The following PTPRT variants were observed in gnomAD, a reference collection of about 807,000 sequenced individuals.
The protein encoded by PTPRT is receptor-type tyrosine-protein phosphatase T.
A neutral mutation model predicts 176.8 loss-of-function variants in PTPRT; 56 were observed. That is an observed-to-expected ratio of 0.32 (90% CI 0.26 to 0.40). The LOEUF (loss-of-function observed/expected upper bound fraction) is 0.40. Among genes scored for constraint, PTPRT ranks in the 10% least tolerant of loss-of-function variants. The probability of loss-of-function intolerance (pLI) is 1.00; values close to 1 mark genes in which losing one functional copy is unlikely to be tolerated. For synonymous variants in PTPRT, 783 were observed against 739.0 expected, an observed-to-expected ratio of 1.06 and a Z score of -0.96; for missense variants, 1,540 against 1,908.2, an observed-to-expected ratio of 0.81 and a Z score of 3.60.
intron 1 of PTPRT, among the ~76,000 whole-genome samples, chr20:43,001,893 A>G (rs575192330): frequency 6.6e-6 from 1 of 152,206 alleles, no homozygotes; most frequent in African/African-American, 2.4e-5. Context: ...AAAACAAACA[A>G]AAAAAACCAC....
chr20:42,857,350 T>C (rs1207396288), intron 2 of PTPRT, among the ~76,000 whole-genome samples: 1 of 152,190 alleles, frequency 6.6e-6, no homozygotes, highest in Non-Finnish European at 1.5e-5. Flanking sequence ...AATGAGTAAG[T>C]CCTAGCTCTG....
chr20:42,815,439 G>A (rs545609735), intron 2 of PTPRT, among the ~76,000 whole-genome samples: 1 of 152,220 alleles, frequency 6.6e-6, no homozygotes, highest in Non-Finnish European at 1.5e-5. Context: ...AAAATCAGAG[G>A]TTCTGATACA....
chr20:42,564,663 C>T (rs377050651), intron 7 of PTPRT, among the ~76,000 whole-genome samples: 4 of 151,970 alleles, frequency 2.6e-5, no homozygotes, highest in Admixed American at 2.0e-4. Flanking sequence ...ACCTAGATGA[C>T]GGGTTGATGG....
At chr20:42,107,049 C>CCTTT (rs1986518642) in intron 23 of PTPRT, 128 bp from the exon 24 acceptor site, 1 of 1,218,808 alleles carries the variant, frequency 8.2e-7, no homozygotes, top group Admixed American at 2.7e-5. Context: ...TCCCACATTT[C>CCTTT]CTTTCTTAAT....
chr20:42,747,396 C>A (rs1291724635), intron 6 of PTPRT, among the ~76,000 whole-genome samples: 1 of 152,166 alleles, frequency 6.6e-6, no homozygotes, highest in Non-Finnish European at 1.5e-5. Context: ...AAAGCTTCTT[C>A]CTCCAGGAGC....
At chr20:42,448,530 G>A (rs2070772218) in intron 8 of PTPRT, among the ~76,000 whole-genome samples, 1 of 152,160 alleles carries the variant, frequency 6.6e-6, no homozygotes, top group African/African-American at 2.4e-5. Flanking sequence ...ATCCATAAAT[G>A]AATGAGTACG....
intron 1 of PTPRT, among the ~76,000 whole-genome samples, chr20:42,923,089 C>T (rs924282231): frequency 3.9e-5 from 6 of 152,152 alleles, no homozygotes; most frequent in Non-Finnish European, 4.4e-5. Context: ...CACCCCTGCC[C>T]CATCACACCT....
intron 1 of PTPRT, among the ~76,000 whole-genome samples, chr20:42,995,885 T>G (rs1282905053): frequency 1.3e-5 from 2 of 152,128 alleles, no homozygotes; most frequent in Admixed American, 6.5e-5. Flanking sequence ...GCAGTGGTCA[T>G]AGCTCACTGC....
intron 14 of PTPRT, among the ~76,000 whole-genome samples, chr20:42,247,191 C>A (rs1030868860): frequency 1.3e-5 from 2 of 152,128 alleles, no homozygotes; most frequent in African/African-American, 2.4e-5. Flanking sequence ...GAGCTTGAGG[C>A]AAGACATGAT....
At chr20:42,185,099 C>G (rs545590257) in intron 16 of PTPRT, among the ~76,000 whole-genome samples, 1 of 152,076 alleles carries the variant, frequency 6.6e-6, no homozygotes, top group African/African-American at 2.4e-5. Context: ...ACTAGAGAAA[C>G]ATCTTGGCTG....
At chr20:42,115,943 C>A in intron 21 of PTPRT, 3 of 685,238 alleles carry the variant, frequency 4.4e-6, no homozygotes, top group Admixed American at 4.3e-5. Flanking sequence ...TGACCCTGGA[C>A]GCGAGCAAGC....
At chr20:42,138,063 C>T (rs1167577681) in intron 18 of PTPRT, among the ~76,000 whole-genome samples, 1 of 152,232 alleles carries the variant, frequency 6.6e-6, no homozygotes, top group African/African-American at 2.4e-5. Flanking sequence ...ACCTAGAGGG[C>T]TTCTAGAAAT....
At chr20:42,740,844 C>T (rs1324142678) in intron 6 of PTPRT, among the ~76,000 whole-genome samples, 1 of 152,140 alleles carries the variant, frequency 6.6e-6, no homozygotes, top group Non-Finnish European at 1.5e-5. Flanking sequence ...AGAACTTCTT[C>T]CTGGGATGGC....
At chr20:42,688,954 G>T (rs890875842) in intron 6 of PTPRT, among the ~76,000 whole-genome samples, 8 of 152,206 alleles carry the variant, frequency 5.3e-5, no homozygotes, top group Non-Finnish European at 8.8e-5. Flanking sequence ...ATGAGCTATA[G>T]AAGAAAGTGA....
intron 17 of PTPRT, among the ~76,000 whole-genome samples, chr20:42,154,289 G>T (rs929421021): frequency 6.6e-6 from 1 of 152,160 alleles, no homozygotes; most frequent in Non-Finnish European, 1.5e-5. Flanking sequence ...AAGCAGAGGT[G>T]TCCTCAGACA....
chr20:42,645,584 C>T (rs184357414), intron 7 of PTPRT, among the ~76,000 whole-genome samples: 68 of 151,990 alleles, frequency 4.5e-4, no homozygotes, highest in African/African-American at 1.5e-3. Flanking sequence ...AGATGGGTTT[C>T]CTATGAAGAA....
intron 1 of PTPRT, among the ~76,000 whole-genome samples, chr20:43,025,886 G>A (rs1189390155): frequency 6.6e-6 from 1 of 152,050 alleles, no homozygotes; most frequent in Non-Finnish European, 1.5e-5. Context: ...CCTTGCTTAG[G>A]AAGATGCTAC....
chr20:43,148,949 A>T (rs2014257688), intron 1 of PTPRT, among the ~76,000 whole-genome samples: 1 of 152,204 alleles, frequency 6.6e-6, no homozygotes, highest in African/African-American at 2.4e-5. Context: ...GTTGTTTTTT[A>T]AAATGTCTGT....
chr20:42,184,541 C>CCTCTTCTTCTTCTTCT lies in PTPRT; in HGVS notation c.2491+14698_2491+14699insAGAAGAAGAAGAAGAG, dbSNP rs1990660319. On this transcript the variant is annotated intron_variant, in intron 16 of 30. Transcript: ENST00000373187. ...CTCCTTCTTCTTCTTCTTCCTCTTC[C>CCTCTTCTTCTTCTTCT]TCTTCTTCTTCTTCTTCTTATTCTT... Among the ~76,000 whole-genome samples the CCTCTTCTTCTTCTTCT allele has an allele frequency of 5.5e-5, 5 of 91,546 alleles. 1 individual carries two copies. The highest frequency in any genetic ancestry group is 1.4e-4 in the African/African-American group (3 of 21,616). 60.1% of individuals were successfully genotyped at this position (91,546 alleles called of 152,430 possible). A position where few individuals can be genotyped will look rare whatever the true frequency, so the allele number is the denominator to read the frequency against.
Sources: gnomAD v4.1 joint callset for allele counts (sites outside exome capture counted in the v4.1 genomes callset) on GRCh38, gnomAD v4.1.1 for gene constraint, MANE v1.5 for transcripts, NCBI Gene and HGNC (gene_info 2026-07-23, HGNC 2026-07-21) for gene names.